The following MYH11 variants were observed in gnomAD, a reference collection of about 807,000 sequenced individuals.
MYH11 encodes myosin heavy chain 11, also known as myosin-11.
MYH11 carries 80 observed loss-of-function variants against 246.6 expected under a neutral mutation model. The observed-to-expected ratio is 0.32, with a 90% confidence interval of 0.27 to 0.39. The LOEUF is 0.39. MYH11 is among the 10% of genes least tolerant of loss of function. The pLI, the probability that MYH11 is intolerant of heterozygous loss-of-function variation, is 1.00. For synonymous variants in MYH11, 1,071 were observed against 1,015.5 expected (o/e 1.05, Z -1.04); for missense variants, 2,158 against 2,546.8 (o/e 0.85, Z 3.29).
intron 40 of MYH11, among the ~76,000 whole-genome samples, chr16:15,709,435 C>T (rs927915662): frequency 1.3e-5 from 2 of 152,034 alleles, no homozygotes; most frequent in Non-Finnish European, 2.9e-5. Context: ...CTGCCTCAGC[C>T]TCCCGAGTAG....
chr16:15,734,877 G>C (rs2041069060), intron 26 of MYH11, among the ~76,000 whole-genome samples: 1 of 152,062 alleles, frequency 6.6e-6, no homozygotes, highest in Admixed American at 6.6e-5. Context: ...CTACTCTTCT[G>C]ATGAGAAATA....
chr16:15,723,905 C>T (rs1189626953), intron 31 of MYH11, among the ~76,000 whole-genome samples: 1 of 152,172 alleles, frequency 6.6e-6, no homozygotes, highest in African/African-American at 2.4e-5. Context: ...AAGGCATCAC[C>T]ATGTGTGCAG....
intron 1 of MYH11, among the ~76,000 whole-genome samples, chr16:15,843,964 G>T (rs543746577): frequency 3.3e-5 from 5 of 152,026 alleles, no homozygotes; most frequent in African/African-American, 4.8e-5. Flanking sequence ...GGATGGGTCC[G>T]CCTGCCATCA....
chr16:15,780,576 G>C (rs145636961), intron 6 of MYH11, among the ~76,000 whole-genome samples: 5 of 127,974 alleles, frequency 3.9e-5, no homozygotes, highest in African/African-American at 1.5e-4. Flanking sequence ...CCATCTCCCC[G>C]GGTTCAAGGA....
Position 15,837,980 on chromosome 16 carries a change from C to T in MYH11, c.273G>A (p.Ala91=), listed in dbSNP as rs549825667. The T allele has an allele frequency of 9.3e-6, 15 of 1,614,158 alleles. No individual in the cohort carries two copies. The highest frequency in any genetic ancestry group is 4.5e-5 in the East Asian group (2 of 44,880). Residue 91 remains alanine, a synonymous_variant, in exon 2 of 41, where the codon GCG becomes GCA. Transcript: ENST00000300036. Reference sequence around the variant, plus strand: ...AGGCTTCGTTGAGGCACGTCAGCTCCGCCATGTCCTCCACCTTGGAGAACT... The same window carrying T: ...AGGCTTCGTTGAGGCACGTCAGCTCTGCCATGTCCTCCACCTTGGAGAACT... ...PPKFSKVEDM[A]ELTCLNEASV...
chr16:15,771,088 G>A (rs552582286), intron 9 of MYH11, among the ~76,000 whole-genome samples: 50 of 151,716 alleles, frequency 3.3e-4, no homozygotes, highest in African/African-American at 1.1e-3. Flanking sequence ...TCTGCCTTCC[G>A]GGTTCAAGCA....
intron 4 of MYH11, among the ~76,000 whole-genome samples, chr16:15,798,395 T>G (rs1382418405): frequency 2.0e-5 from 3 of 152,032 alleles, no homozygotes; most frequent in African/African-American, 7.2e-5. Flanking sequence ...AAATGCTAGT[T>G]TTTTAGAAGG....
intron 2 of MYH11, among the ~76,000 whole-genome samples, chr16:15,828,931 G>A (rs1168092086): frequency 6.6e-6 from 1 of 150,830 alleles, no homozygotes; most frequent in African/African-American, 2.4e-5. Context: ...CACCTTTAAT[G>A]CCAGCACTTT....
At chr16:15,731,794 C>T (rs2040968949) in intron 27 of MYH11, among the ~76,000 whole-genome samples, 1 of 151,676 alleles carries the variant, frequency 6.6e-6, no homozygotes, top group Admixed American at 6.6e-5. Flanking sequence ...CGTGCCCAGC[C>T]TATTTTTATT....
At chr16:15,745,267 G>T in intron 19 of MYH11, 30 bp from the exon 20 acceptor site, 2 of 1,439,894 alleles carry the variant, frequency 1.4e-6, no homozygotes, top group South Asian at 1.1e-5. Flanking sequence ...AGGTGCGGGG[G>T]TCATGAAGCC....
chr16:15,847,465 T>C (rs2151391272), intron 1 of MYH11, among the ~76,000 whole-genome samples: 1 of 152,188 alleles, frequency 6.6e-6, no homozygotes, highest in East Asian at 1.9e-4. Flanking sequence ...TTGTCCAGGC[T>C]GAGGTCTTGA....
intron 26 of MYH11, among the ~76,000 whole-genome samples, chr16:15,734,109 ATTGT>A (rs1039795473): frequency 2.0e-5 from 3 of 152,182 alleles, no homozygotes; most frequent in African/African-American, 7.2e-5. Context: ...GCAGTTTGTT[ATTGT>A]TTGTTCATTT....
rs555408879 is a variant in MYH11 at position 15,718,925 on chromosome 16, C to A, written c.5171+295G>T. On this transcript the variant is annotated intron_variant, in intron 36 of 40. Transcript: ENST00000300036. ...GGAGGATCACCTAAGGTCAGGAGTT[C>A]AAGACTAGCCTGGCCAACATGGTGA... is the stretch of plus-strand genomic sequence containing the variant. The A allele has an allele frequency of 2.7e-4, 117 of 439,410 alleles. 1 individual carries two copies. The East Asian group carries it at 4.8e-3, about 18-fold the overall frequency. 27.2% of individuals were successfully genotyped at this position (439,410 alleles called of 1,614,324 possible). A position where few individuals can be genotyped will look rare whatever the true frequency, so the allele number is the denominator to read the frequency against.
intron 2 of MYH11, among the ~76,000 whole-genome samples, chr16:15,832,328 G>A (rs549467289): frequency 5.3e-5 from 8 of 152,246 alleles, no homozygotes; most frequent in Admixed American, 5.2e-4. Flanking sequence ...AACCCCAGAG[G>A]TTTGGTATAG....
chr16:15,830,220 G>C (rs972163620), intron 2 of MYH11, among the ~76,000 whole-genome samples: 2 of 152,042 alleles, frequency 1.3e-5, no homozygotes, highest in African/African-American at 4.8e-5. Flanking sequence ...CTACCCCTGA[G>C]CTTCCTCAGT....
rs1325742313 is a variant in MYH11 at position 15,747,556 on chromosome 16, G to T, written c.2411+14C>A. On this transcript the variant is annotated intron_variant, in intron 19 of 40. Coordinates refer to ENST00000300036, the MANE Select transcript of MYH11 (RefSeq NM_002474.3). ...TCGCGTTTGAGGTATTAGGATGCAG[G>T]AAAGCATCTTTACTTTCTGGCCAAG... The T allele has an allele frequency of 1.2e-6, 2 of 1,614,134 alleles. No homozygotes were observed. Among genetic ancestry groups the T allele is most frequent in the South Asian group, 2.2e-5 (2 of 91,080 alleles).
chr16:15,824,869 C>T (rs2043518453), intron 2 of MYH11, among the ~76,000 whole-genome samples: 1 of 152,154 alleles, frequency 6.6e-6, no homozygotes, highest in African/African-American at 2.4e-5. Context: ...TACTCAGTAA[C>T]AGTGATTTCC....
At chr16:15,719,969 G>T (rs1262026047) in intron 34 of MYH11, among the ~76,000 whole-genome samples, 182 bp downstream of exon 34, 2 of 152,124 alleles carry the variant, frequency 1.3e-5, no homozygotes, top group Non-Finnish European at 2.9e-5. Flanking sequence ...ACCTAATAAT[G>T]CTGCCCTACC....
At chr16:15,754,150 G>A (rs144961337) in intron 14 of MYH11, among the ~76,000 whole-genome samples, 3,566 of 152,216 alleles carry the variant, frequency 0.023, 70 homozygotes, top group South Asian at 0.071. Flanking sequence ...CTGGGAGGCG[G>A]AGATTGCAGT....
Sources: gnomAD v4.1 joint callset for allele counts (sites outside exome capture counted in the v4.1 genomes callset) on GRCh38, gnomAD v4.1.1 for gene constraint, MANE v1.5 for transcripts, NCBI Gene and HGNC (gene_info 2026-07-23, HGNC 2026-07-21) for gene names.